Variants in APBA1 observed in about 807,000 individuals in gnomAD.
APBA1 encodes amyloid beta precursor protein binding family A member 1.
APBA1 carries 55 observed loss-of-function variants against 86.6 expected under a neutral mutation model. The ratio of observed to expected loss-of-function variants is 0.64; its 90% CI spans 0.51 to 0.80. The LOEUF (loss-of-function observed/expected upper bound fraction) is 0.80, where lower values mean the gene tolerates loss of function less well. Ranked by LOEUF, APBA1 falls within the 30% of genes least tolerant of loss-of-function variation. The pLI is 0.00. For synonymous variants in APBA1, 511 were observed against 493.9 expected (o/e 1.03, Z -0.46); for missense variants, 1,090 against 1,183.0 (o/e 0.92, Z 1.15).
At position 69,643,117 on chromosome 9, in the gene APBA1, T is replaced by G. The variant is rs376941905; in HGVS notation, c.-70+29036A>C. On this transcript the variant is annotated intron_variant, in intron 1 of 12. Coordinates refer to ENST00000265381, the MANE Select transcript of APBA1 (RefSeq NM_001163.4). Reference sequence around the variant, plus strand: ...AACTCTGACTACTAATATAGGCAGTTTTTAAATCAAATTAAACAAATACTC... The same window carrying G: ...AACTCTGACTACTAATATAGGCAGTGTTTAAATCAAATTAAACAAATACTC... Among the ~76,000 whole-genome samples, 20 of 152,214 alleles carry G rather than the reference T, an allele frequency of 1.3e-4. No individual in the cohort carries two copies. In the East Asian group the frequency reaches 2.1e-3, roughly 16 times the overall value.
At chr9:69,661,045 A>G (rs1049912548) in intron 1 of APBA1, among the ~76,000 whole-genome samples, 4 of 152,236 alleles carry the variant, frequency 2.6e-5, no homozygotes, top group African/African-American at 9.6e-5. Context: ...AAAAAGTTAA[A>G]TGAGAAATCA....
At position 69,440,995 on chromosome 9, in the gene APBA1, C is replaced by A; in HGVS notation, c.2301+1G>T. On this transcript the variant is annotated splice_donor_variant, in intron 11 of 12. Transcript: ENST00000265381. LOFTEE classifies it high-confidence loss of function. ...AAGGGTGTGGAAGGTGTTCTACTTA[C>A]AATTCCATTCTGGACGCTGAAACCG... The A allele has an allele frequency of 6.2e-7, 1 of 1,613,190 alleles. No homozygotes were observed. Among genetic ancestry groups the A allele is most frequent in the Non-Finnish European group, 8.5e-7 (1 of 1,179,606 alleles).
intron 2 of APBA1, among the ~76,000 whole-genome samples, chr9:69,512,748 A>G (rs1408938430): frequency 6.6e-6 from 1 of 152,244 alleles, no homozygotes; most frequent in Non-Finnish European, 1.5e-5. Flanking sequence ...TTTACAAAAC[A>G]AAATAAAATA....
At chr9:69,600,250 A>G (rs1434860288) in intron 1 of APBA1, among the ~76,000 whole-genome samples, 1 of 152,190 alleles carries the variant, frequency 6.6e-6, no homozygotes, top group East Asian at 1.9e-4. Flanking sequence ...GACTATGGTG[A>G]TGGCGATTCT....
At chr9:69,663,512 A>C (rs1362520540) in intron 1 of APBA1, among the ~76,000 whole-genome samples, 1 of 152,230 alleles carries the variant, frequency 6.6e-6, no homozygotes, top group Middle Eastern at 3.2e-3. Flanking sequence ...ATTTACAAGA[A>C]AAAGGAATTT....
chr9:69,568,087 C>T (rs1029891172), intron 1 of APBA1, among the ~76,000 whole-genome samples: 1 of 152,174 alleles, frequency 6.6e-6, no homozygotes, highest in Non-Finnish European at 1.5e-5. Context: ...GTCTACACTT[C>T]CTTGCAGTAT....
At chr9:69,565,732 A>G (rs957251113) in intron 1 of APBA1, among the ~76,000 whole-genome samples, 1 of 152,052 alleles carries the variant, frequency 6.6e-6, no homozygotes, top group Admixed American at 6.6e-5. Flanking sequence ...ATGTCATGCA[A>G]TCCACCACTC....
intron 1 of APBA1, among the ~76,000 whole-genome samples, chr9:69,635,526 C>G (rs1014807101): frequency 6.6e-6 from 1 of 151,866 alleles, no homozygotes; most frequent in Non-Finnish European, 1.5e-5. Context: ...TAAATGGACA[C>G]AATTCAATAA....
At chr9:69,591,180 C>A (rs1822121623) in intron 1 of APBA1, among the ~76,000 whole-genome samples, 1 of 152,176 alleles carries the variant, frequency 6.6e-6, no homozygotes, top group Non-Finnish European at 1.5e-5. Flanking sequence ...GATGTGAGGT[C>A]CTGATGATGT....
chr9:69,607,513 C>A (rs1171919131), intron 1 of APBA1, among the ~76,000 whole-genome samples: 1 of 152,182 alleles, frequency 6.6e-6, no homozygotes, highest in South Asian at 2.1e-4. Context: ...ACTGCTAGGA[C>A]TGGCAGATTA....
In APBA1 at chr9:69,579,217, C is replaced by A. The variant is rs184939763; in HGVS notation, c.-69-61938G>T. Among the ~76,000 whole-genome samples the A allele has an allele frequency of 3.3e-5, 5 of 152,238 alleles. No homozygotes were observed. The East Asian group carries it at 7.7e-4, about 24-fold the overall frequency. On this transcript the variant is annotated intron_variant, in intron 1 of 12. Coordinates refer to ENST00000265381, the MANE Select transcript of APBA1 (RefSeq NM_001163.4). ...GCACCCTATACTCTACATACTGCAG[C>A]CCCACTGTGGTCACAATGTGCACAG... is the stretch of plus-strand genomic sequence containing the variant.
At position 69,431,169 on chromosome 9, in the gene APBA1, G is replaced by T. The variant is rs151245849; in HGVS notation, c.*158C>A. ...AAAAAAAAAAAAAAAAAAGCAAATC[G>T]GAGAGAGTAAAGAGGTCCTTGTGGA... On this transcript the variant is annotated 3_prime_UTR_variant, in exon 13 of 13. Coordinates refer to ENST00000265381, the MANE Select transcript of APBA1 (RefSeq NM_001163.4). The T allele has an allele frequency of 2.0e-6, 1 of 491,022 alleles. No individual in the cohort carries two copies. Among genetic ancestry groups the T allele is most frequent in the Non-Finnish European group, 3.6e-6 (1 of 278,830 alleles). 30.4% of individuals were successfully genotyped at this position (491,022 alleles called of 1,614,324 possible). A position where few individuals can be genotyped will look rare whatever the true frequency, so the allele number is the denominator to read the frequency against.
chr9:69,451,986 G>A (rs1835017636), intron 9 of APBA1, 136 bp downstream of exon 9: 3 of 821,810 alleles, frequency 3.7e-6, no homozygotes, highest in East Asian at 4.9e-5. Flanking sequence ...AGATGGGGGT[G>A]AACGACTTCA....
At chr9:69,440,094 A>C (rs1039125438) in intron 11 of APBA1, among the ~76,000 whole-genome samples, 1 of 152,226 alleles carries the variant, frequency 6.6e-6, no homozygotes, top group Admixed American at 6.5e-5. Flanking sequence ...GCTGCAGAAC[A>C]GCGGATATTG....
At chr9:69,545,543 C>T (rs530480331) in intron 1 of APBA1, among the ~76,000 whole-genome samples, 49 of 152,296 alleles carry the variant, frequency 3.2e-4, no homozygotes, top group Non-Finnish European at 6.8e-4. Context: ...TGCTAACTCA[C>T]GGAAGATGCT....
At chr9:69,607,830 A>G (rs1822507913) in intron 1 of APBA1, among the ~76,000 whole-genome samples, 1 of 152,144 alleles carries the variant, frequency 6.6e-6, no homozygotes. Context: ...TGGCTGTTTG[A>G]TAGGTTTCTT....
intron 1 of APBA1, among the ~76,000 whole-genome samples, chr9:69,671,530 C>T (rs973514694): frequency 1.3e-5 from 2 of 152,144 alleles, no homozygotes; most frequent in African/African-American, 2.4e-5. Flanking sequence ...CAAACACTGT[C>T]CCACAGTCTT....
intron 1 of APBA1, among the ~76,000 whole-genome samples, chr9:69,547,400 A>C (rs1298211528): frequency 6.6e-6 from 1 of 152,194 alleles, no homozygotes; most frequent in Non-Finnish European, 1.5e-5. Flanking sequence ...TTCAGCAGTC[A>C]GCTTCTTTTA....
rs560912547 is a variant in APBA1, at chr9:69,502,947, C to T, written c.1200+13064G>A. ...TTCACTTACCAATTAGTGATCTTCACCTTAAGTAGTACAGCCCCGGCCTTG... is the reference window on the plus strand; with the variant it reads ...TTCACTTACCAATTAGTGATCTTCATCTTAAGTAGTACAGCCCCGGCCTTG... On this transcript the variant is annotated intron_variant, in intron 2 of 12. Coordinates refer to ENST00000265381, the MANE Select transcript of APBA1 (RefSeq NM_001163.4). 2.6e-5 allele frequency among the ~76,000 whole-genome samples: 4 copies of T among 152,204 alleles called. No homozygotes were observed. The East Asian group carries it at 7.8e-4, about 29-fold the overall frequency.
Sources: allele counts gnomAD v4.1 joint callset (sites outside exome capture counted in the v4.1 genomes callset), GRCh38; gene constraint gnomAD v4.1.1; transcripts MANE v1.5; gene names NCBI Gene and HGNC (gene_info 2026-07-23, HGNC 2026-07-21).